MAGI2: variants seen among roughly 807,000 people sequenced by gnomAD.
The protein encoded by MAGI2 is membrane associated guanylate kinase, WW and PDZ domain containing 2.
In MAGI2, 35 loss-of-function variants were observed where a neutral mutation model predicts 133.3. The ratio of observed to expected loss-of-function variants is 0.26; its 90% CI spans 0.20 to 0.35. The LOEUF (loss-of-function observed/expected upper bound fraction) is 0.35. Among genes scored for constraint, MAGI2 ranks in the 10% least tolerant of loss-of-function variants. The pLI, the probability that MAGI2 is intolerant of heterozygous loss-of-function variation, is 1.00. For missense variants in MAGI2, 1,636 were observed against 1,863.4 expected (o/e 0.88, Z 2.25); for synonymous variants, 729 against 710.6 (o/e 1.03, Z -0.41).
chr7:79,225,091 A>C (rs1476152380), intron 1 of MAGI2, among the ~76,000 whole-genome samples: 1 of 152,138 alleles, frequency 6.6e-6, no homozygotes, highest in African/African-American at 2.4e-5. Context: ...TTAAGACCTC[A>C]ACCTTAAGTA....
At chr7:78,380,823 G>T (rs144312794) in intron 6 of MAGI2, among the ~76,000 whole-genome samples, 40 of 152,172 alleles carry the variant, frequency 2.6e-4, no homozygotes, top group African/African-American at 8.9e-4. Context: ...ATTGCACGCC[G>T]ATATTAAAAT....
chr7:78,172,868 T>A (rs1826246368), intron 14 of MAGI2, among the ~76,000 whole-genome samples: 1 of 152,170 alleles, frequency 6.6e-6, no homozygotes, highest in Non-Finnish European at 1.5e-5. Flanking sequence ...TTATGGGAGA[T>A]CTTTACAGTT....
At chr7:78,573,301 T>TA (rs1801862975) in intron 3 of MAGI2, among the ~76,000 whole-genome samples, 7 of 53,412 alleles carry the variant, frequency 1.3e-4, no homozygotes, top group Admixed American at 3.1e-4. Flanking sequence ...AATATATATA[T>TA]TTATATATAT....
intron 21 of MAGI2, among the ~76,000 whole-genome samples, chr7:78,031,063 C>T (rs549235841): frequency 2.0e-5 from 3 of 152,136 alleles, no homozygotes; most frequent in Non-Finnish European, 2.9e-5. Context: ...ATACACTCAA[C>T]GTGAGTGAAT....
chr7:79,070,325 ATCTTG>A (rs1198811350), intron 1 of MAGI2, among the ~76,000 whole-genome samples: 1 of 150,602 alleles, frequency 6.6e-6, no homozygotes, highest in East Asian at 2.0e-4. Flanking sequence ...TTTTTCTCTA[ATCTTG>A]TCTTCTCACT....
At chr7:79,441,292 G>T (rs1443563979) in intron 1 of MAGI2, among the ~76,000 whole-genome samples, 1 of 152,058 alleles carries the variant, frequency 6.6e-6, no homozygotes, top group Non-Finnish European at 1.5e-5. Flanking sequence ...CTAACTTTGT[G>T]GTTTTCTAAG....
chr7:78,304,893 C>T (rs959199876), intron 9 of MAGI2, among the ~76,000 whole-genome samples: 4 of 152,072 alleles, frequency 2.6e-5, no homozygotes, highest in Admixed American at 2.6e-4. Flanking sequence ...AGGCCTGTGG[C>T]AAGGTCATGT....
At chr7:78,600,289 T>A (rs1242359505) in intron 3 of MAGI2, among the ~76,000 whole-genome samples, 2 of 151,912 alleles carry the variant, frequency 1.3e-5, no homozygotes, top group African/African-American at 4.8e-5. Flanking sequence ...GAATAGCAAA[T>A]CAAGAATAAC....
rs144329866 is a variant in MAGI2 at position 78,800,975 on chromosome 7, G to A, written c.419-173736C>T. ...GAATATAAAAATGACCTATGAGAAC[G>A]TAATTTCATAGAAACCAGGGAATAT... On this transcript the variant is annotated intron_variant, in intron 2 of 21. Transcript: ENST00000354212. Among the ~76,000 whole-genome samples the A allele has an allele frequency of 6.2e-3, 948 of 152,174 alleles. 9 individuals carry two copies. The highest frequency in any genetic ancestry group is 0.024 in the Middle Eastern group (7 of 294).
intron 9 of MAGI2, among the ~76,000 whole-genome samples, chr7:78,326,468 A>G (rs576290767): frequency 3.2e-4 from 48 of 152,210 alleles, no homozygotes; most frequent in African/African-American, 1.2e-3. Flanking sequence ...CAGACTGTAC[A>G]TTCCTTTATG....
At chr7:78,671,475 A>G (rs1814384809) in intron 2 of MAGI2, among the ~76,000 whole-genome samples, 1 of 152,182 alleles carries the variant, frequency 6.6e-6, no homozygotes, top group Non-Finnish European at 1.5e-5. Context: ...CCCAAATTTC[A>G]TTTTGAAAAG....
At chr7:79,348,846 A>G (rs1378675126) in intron 1 of MAGI2, among the ~76,000 whole-genome samples, 1 of 151,924 alleles carries the variant, frequency 6.6e-6, no homozygotes, top group African/African-American at 2.4e-5. Flanking sequence ...CATAAAATAT[A>G]TGTGCATTAA....
At chr7:79,143,053 A>G (rs1313563368) in intron 1 of MAGI2, among the ~76,000 whole-genome samples, 1 of 152,220 alleles carries the variant, frequency 6.6e-6, no homozygotes, top group Non-Finnish European at 1.5e-5. Flanking sequence ...AAATGAACAA[A>G]GAGTGAAAAT....
chr7:78,585,060 T>G (rs1168552576), intron 3 of MAGI2, among the ~76,000 whole-genome samples: 2 of 152,162 alleles, frequency 1.3e-5, no homozygotes, highest in Non-Finnish European at 1.5e-5. Flanking sequence ...TATTTTCACA[T>G]AGGATAAAAG....
chr7:78,891,904 A>C (rs1796792270), intron 2 of MAGI2, among the ~76,000 whole-genome samples: 1 of 152,188 alleles, frequency 6.6e-6, no homozygotes, highest in African/African-American at 2.4e-5. Context: ...GAAAGAAATA[A>C]AGGGTATTCA....
In MAGI2 at chr7:78,633,496, G is replaced by C. The variant is rs190322830; in HGVS notation, c.419-6257C>G. ...CGAGGCGGGTGGATCACGAGGTCAGGAGATCAAGACTATCCTGGCTAACAC... is the reference window on the plus strand; with the variant it reads ...CGAGGCGGGTGGATCACGAGGTCAGCAGATCAAGACTATCCTGGCTAACAC... On this transcript the variant is annotated intron_variant, in intron 2 of 21. Transcript: ENST00000354212. Among the ~76,000 whole-genome samples, 86 of 152,142 alleles carry C rather than the reference G, an allele frequency of 5.7e-4. No individual in the cohort carries two copies. In the East Asian group the frequency reaches 0.015, roughly 27 times the overall value.
At chr7:79,160,526 C>A (rs1562951661) in intron 1 of MAGI2, among the ~76,000 whole-genome samples, 1 of 151,890 alleles carries the variant, frequency 6.6e-6, no homozygotes, top group Non-Finnish European at 1.5e-5. Flanking sequence ...TAAAAATAAC[C>A]CCTTTAAGAA....
intron 21 of MAGI2, among the ~76,000 whole-genome samples, chr7:78,050,016 T>C (rs1811849860): frequency 6.6e-6 from 1 of 152,206 alleles, no homozygotes; most frequent in Non-Finnish European, 1.5e-5. Flanking sequence ...TTCTCTTTTC[T>C]AATAACCATT....
In MAGI2 at chr7:79,362,540, A is replaced by G. The variant is rs568311826; in HGVS notation, c.301+90480T>C. ...TATGGTAAGTAATACCAGACAAAGAAAAAAATATTAACAAACCAAATTCAA... is the reference window on the plus strand; with the variant it reads ...TATGGTAAGTAATACCAGACAAAGAGAAAAATATTAACAAACCAAATTCAA... On this transcript the variant is annotated intron_variant, in intron 1 of 21. Coordinates refer to ENST00000354212, the MANE Select transcript of MAGI2 (RefSeq NM_012301.4). Among the ~76,000 whole-genome samples the G allele has an allele frequency of 1.3e-3, 196 of 152,208 alleles. 1 individual carries two copies. Among genetic ancestry groups the G allele is most frequent in the African/African-American group, 4.4e-3 (183 of 41,576 alleles).
Sources: gnomAD v4.1 joint callset for allele counts (sites outside exome capture counted in the v4.1 genomes callset) on GRCh38, gnomAD v4.1.1 for gene constraint, MANE v1.5 for transcripts, NCBI Gene and HGNC (gene_info 2026-07-23, HGNC 2026-07-21) for gene names.